OPHN1: variants seen among roughly 807,000 people sequenced by gnomAD.
The protein encoded by OPHN1 is oligophrenin-1.
Under a neutral mutation model 60.7 loss-of-function variants are expected in OPHN1, and 11 were observed. That is an observed-to-expected ratio of 0.18 (90% CI 0.11 to 0.30). The LOEUF (loss-of-function observed/expected upper bound fraction) is 0.30. Ranked by LOEUF, OPHN1 falls within the 10% of genes least tolerant of loss-of-function variation. The pLI, the probability that OPHN1 is intolerant of heterozygous loss-of-function variation, is 1.00. For synonymous variants in OPHN1, 226 were observed against 222.6 expected, an observed-to-expected ratio of 1.02 and a Z score of -0.14; for missense variants, 449 against 611.0, an observed-to-expected ratio of 0.73 and a Z score of 2.80.
chrX:68,175,611 A>C (rs1569233737), intron 15 of OPHN1, among the ~76,000 whole-genome samples: 1 of 111,453 alleles, frequency 9.0e-6, no homozygotes, highest in East Asian at 2.8e-4. Flanking sequence ...CTCAGAAACA[A>C]GTAACTTCAA....
At chrX:68,422,720 A>AAGGAAGG (rs1569309561) in intron 2 of OPHN1, among the ~76,000 whole-genome samples, 2 of 87,807 alleles carry the variant, frequency 2.3e-5, no homozygotes, top group African/African-American at 8.7e-5. Flanking sequence ...AGAAAGAAAG[A>AAGGAAGG]AAGGAAGGAA....
chrX:68,279,381 G>A (rs1045072718), intron 4 of OPHN1, among the ~76,000 whole-genome samples: 2 of 108,686 alleles, frequency 1.8e-5, no homozygotes, highest in Admixed American at 2.0e-4. Context: ...AAAGAGCTAG[G>A]ATTAAAAGCG....
chrX:68,234,233 C>T (rs1467020307), intron 6 of OPHN1, among the ~76,000 whole-genome samples: 2 of 111,270 alleles, frequency 1.8e-5, no homozygotes, highest in Admixed American at 1.9e-4. Context: ...GGACTCTCGA[C>T]TCCTCTTCTT....
rs758147589 is a variant in OPHN1 at position 68,336,673 on chromosome X, A to AGTGT, written c.155-37581_155-37578dup. ...GTGTACGTGTGTGTGTGTGTGTGAG[A>AGTGT]GTGTGTGTGTGTGTGTGTGTGTGTA... On this transcript the variant is annotated intron_variant, in intron 2 of 24. Coordinates refer to ENST00000355520, the MANE Select transcript of OPHN1 (RefSeq NM_002547.3). 1.1e-4 allele frequency among the ~76,000 whole-genome samples: 12 copies of AGTGT among 104,968 alleles called. No homozygotes were observed. In the East Asian group the frequency reaches 1.5e-3, roughly 13 times the overall value. 91.2% of individuals were successfully genotyped at this position (104,968 alleles called of 115,157 possible). A position where few individuals can be genotyped will look rare whatever the true frequency, so the allele number is the denominator to read the frequency against.
chrX:68,290,554 G>A (rs928027367), intron 3 of OPHN1, among the ~76,000 whole-genome samples: 9 of 108,751 alleles, frequency 8.3e-5, no homozygotes, highest in Non-Finnish European at 1.7e-4. Context: ...AACTGAGATC[G>A]TGCCTCTGCA....
intron 5 of OPHN1, 90 bp downstream of exon 5, chrX:68,274,648 G>T: frequency 1.6e-6 from 1 of 615,397 alleles, no homozygotes; most frequent in Non-Finnish European, 2.7e-6. Context: ...CCAGCAGATT[G>T]GTGCATATCT....
chrX:68,325,338 CG>C (rs1190662723), intron 2 of OPHN1, among the ~76,000 whole-genome samples: 2 of 107,233 alleles, frequency 1.9e-5, no homozygotes, highest in African/African-American at 6.8e-5. Context: ...GTCTAGTTGC[CG>C]GGATAGACAA....
chrX:68,238,758 C>A (rs1449047076), intron 5 of OPHN1, among the ~76,000 whole-genome samples: 1 of 111,309 alleles, frequency 9.0e-6, no homozygotes, highest in Non-Finnish European at 1.9e-5. Flanking sequence ...TCTGCTCAAA[C>A]CTCTAGGGGG....
At position 68,059,075 on chromosome X, in the gene OPHN1, T is replaced by A. The variant is rs373573456; in HGVS notation, c.2158+4779A>T. ...GGATTCAAACTCACATCTGGAAGATTCAGGAGCCTGAGCTTTTAACCACTA... is the reference window on the plus strand; with the variant it reads ...GGATTCAAACTCACATCTGGAAGATACAGGAGCCTGAGCTTTTAACCACTA... On this transcript the variant is annotated intron_variant, in intron 21 of 24. Coordinates refer to ENST00000355520, the MANE Select transcript of OPHN1 (RefSeq NM_002547.3). Among the ~76,000 whole-genome samples the A allele has an allele frequency of 3.1e-4, 35 of 112,041 alleles. No homozygotes were observed. In the East Asian group the frequency reaches 7.6e-3, roughly 24 times the overall value.
At chrX:68,192,090 A>G (rs997398085) in intron 15 of OPHN1, among the ~76,000 whole-genome samples, 1 of 111,905 alleles carries the variant, frequency 8.9e-6, no homozygotes, top group African/African-American at 3.2e-5. Context: ...AGAAAAACAT[A>G]TTAAAAAAAA....
chrX:68,114,141 G>A (rs972549018), intron 16 of OPHN1, among the ~76,000 whole-genome samples: 1 of 110,657 alleles, frequency 9.0e-6, no homozygotes, highest in Admixed American at 9.6e-5. Context: ...GGACAAGTAC[G>A]ATGACAAAAT....
At chrX:68,085,093 A>G (rs73634106) in intron 19 of OPHN1, among the ~76,000 whole-genome samples, 2,168 of 111,991 alleles carry the variant, frequency 0.019, 73 homozygotes, top group African/African-American at 0.068. Context: ...GTGGCCCTCC[A>G]AAGGCCTCAC....
At chrX:68,112,061 G>GCGCACACACACACACA (rs59924749) in intron 17 of OPHN1, 102 bp from the exon 18 acceptor site, 1 of 355,392 alleles carries the variant, frequency 2.8e-6, no homozygotes, top group African/African-American at 3.3e-5. Flanking sequence ...ATGCACACAT[G>GCGCACACACACACACA]CACACACACA....
chrX:68,421,465 GT>G lies in OPHN1; in HGVS notation c.154+11401del, dbSNP rs751645148. On this transcript the variant is annotated intron_variant, in intron 2 of 24. Transcript: ENST00000355520. ...TTACAATGCTCCAGGTTTGTTTTTT[GT>G]TTTTTTTCTGTACTCAACAAAAGTT... Among the ~76,000 whole-genome samples, 41 of 110,722 alleles carry G rather than the reference GT, an allele frequency of 3.7e-4. No homozygotes were observed. The East Asian group carries it at 0.011, about 30-fold the overall frequency.
intron 2 of OPHN1, among the ~76,000 whole-genome samples, chrX:68,361,512 T>C (rs1489436364): frequency 9.2e-6 from 1 of 108,162 alleles, no homozygotes; most frequent in Non-Finnish European, 1.9e-5. Flanking sequence ...ATAAAAAAAA[T>C]ATATATGTAT....
intron 17 of OPHN1, chrX:68,112,239 G>A: frequency 4.4e-6 from 1 of 227,299 alleles, no homozygotes; most frequent in African/African-American, 2.9e-5. Flanking sequence ...AAAGAAAAAA[G>A]GCAGAAAAAG....
At chrX:68,056,424 T>C (rs2076873492) in intron 21 of OPHN1, among the ~76,000 whole-genome samples, 1 of 111,692 alleles carries the variant, frequency 9.0e-6, no homozygotes, top group South Asian at 3.8e-4. Context: ...GCAAGATATA[T>C]ATGTAAAGAA....
intron 15 of OPHN1, among the ~76,000 whole-genome samples, chrX:68,125,930 AATAT>A (rs59058075): frequency 0.011 from 253 of 22,261 alleles, 19 homozygotes; most frequent in Non-Finnish European, 0.02. Context: ...ACCACTGATC[AATAT>A]ATATATATAT....
chrX:68,187,715 C>T (rs769313624), intron 15 of OPHN1, among the ~76,000 whole-genome samples: 4 of 110,452 alleles, frequency 3.6e-5, no homozygotes, highest in Non-Finnish European at 7.6e-5. Flanking sequence ...GCAAGCTCTG[C>T]CTCCCAGGTT....
Sources: gnomAD v4.1 joint callset for allele counts (sites outside exome capture counted in the v4.1 genomes callset) on GRCh38, gnomAD v4.1.1 for gene constraint, MANE v1.5 for transcripts, NCBI Gene and HGNC (gene_info 2026-07-23, HGNC 2026-07-21) for gene names.